PPOX: variants seen among roughly 807,000 people sequenced by gnomAD.
PPOX encodes variegate porphyria.
PPOX carries 23 observed loss-of-function variants against 54.1 expected under a neutral mutation model. The observed-to-expected ratio is 0.43, with a 90% CI of 0.31 to 0.60. The LOEUF (loss-of-function observed/expected upper bound fraction) is 0.60, where lower values mean the gene tolerates loss of function less well. PPOX is among the 20% of genes least tolerant of loss of function. PPOX has a pLI of 0.13. For synonymous variants in PPOX, 224 were observed against 236.1 expected (o/e 0.95, Z 0.47); for missense variants, 512 against 601.1 (o/e 0.85, Z 1.55).
rs1357523918 is a variant in PPOX at position 161,168,584 on chromosome 1, G to C, written c.616+8G>C. 4 of 1,613,830 alleles carry C rather than the reference G, an allele frequency of 2.5e-6. No individual in the cohort carries two copies. In the Admixed American group the frequency reaches 6.7e-5, roughly 27 times the overall value. On this transcript the variant is annotated splice_region_variant and intron_variant, in intron 6 of 12. Transcript: ENST00000367999. ...GCCTGCTGCTGGGGGCAGGTGAGGG[G>C]GGATTGATTCAGAGGGTGAAAATAT...
chr1:161,169,088 C>T lies in PPOX; in HGVS notation c.712C>T (p.Gln238Ter), dbSNP rs770279631. The T allele has an allele frequency of 1.9e-6, 3 of 1,614,094 alleles. No individual in the cohort carries two copies. The highest frequency in any genetic ancestry group is 1.3e-5 in the African/African-American group (1 of 74,920). ...TCGTGGAGGTCTAGAGATGTTGCCT[C>T]AGGCCCTTGAAACCCACCTGACTAG... ...SLRGGLEMLP[Q>*]ALETHLTSRG... Residue 238 changes from glutamine to a stop codon, truncating the protein, a stop_gained, in exon 7 of 13, where the codon CAG becomes TAG. Transcript: ENST00000367999. LOFTEE classifies it high-confidence loss of function.
downstream of PPOX, chr1:161,174,111 A>C (rs369203947): frequency 6.4e-7 from 1 of 1,554,872 alleles, no homozygotes; most frequent in Non-Finnish European, 8.7e-7. Context: ...AAGGGGGCTA[A>C]AGAATAAAAG....
At chr1:161,168,609 T>C (rs373519291) in intron 6 of PPOX, 33 bp downstream of exon 6, 7 of 1,610,104 alleles carry the variant, frequency 4.3e-6, no homozygotes, top group African/African-American at 2.7e-5. Flanking sequence ...GGTGAAAATA[T>C]TAAGTACTGC....
At chr1:161,171,695 C>G (rs556696668), downstream of PPOX, 54 of 1,408,224 alleles carry the variant, frequency 3.8e-5, no homozygotes, top group Middle Eastern at 3.8e-4. Context: ...GCCCCTACCC[C>G]CTAGCACGGC....
chr1:161,168,496 G>A lies in PPOX; in HGVS notation c.536G>A (p.Ser179Asn). The stretch of plus-strand genomic sequence containing the variant: ...TTTGCAGGCAACAGCCGTGAGCTCA[G>A]CATCAGGTCCTGCTTTCCCAGTCTC... ...GVFAGNSREL[S>N]IRSCFPSLFQ... Residue 179 changes from serine to asparagine, a missense_variant, in exon 6 of 13, where the codon AGC becomes AAC. Coordinates refer to ENST00000367999, the MANE Select transcript of PPOX (RefSeq NM_001122764.3). 6.2e-7 allele frequency: 1 copy of A among 1,614,178 alleles called. No individual in the cohort carries two copies. Among genetic ancestry groups the A allele is most frequent in the East Asian group, 2.2e-5 (1 of 44,884 alleles).
At chr1:161,168,160 C>G in intron 5 of PPOX, 33 bp downstream of exon 5, 1 of 1,614,134 alleles carries the variant, frequency 6.2e-7, no homozygotes, top group Non-Finnish European at 8.5e-7. Flanking sequence ...AAACCTCTTC[C>G]CTCCTAAACC....
downstream of PPOX, chr1:161,171,437 C>G (rs1320738342): frequency 1.6e-6 from 1 of 620,606 alleles, no homozygotes. Context: ...CAAACAACTT[C>G]CCGGGAACCA....
chr1:161,165,988 T>A (rs1658765949), upstream of PPOX: 1 of 661,010 alleles, frequency 1.5e-6, no homozygotes, highest in South Asian at 6.7e-5. Context: ...GGAGTGCCAC[T>A]GTTGACAAAC....
In PPOX at chr1:161,170,602, GCTATATTCCCTC is replaced by G; in HGVS notation, c.1099-15_1099-4del. On this transcript the variant is annotated splice_region_variant and splice_polypyrimidine_tract_variant and intron_variant, in intron 10 of 12. Transcript: ENST00000367999. ...TGTAGGCAAGGCCAGACTGATCAGT[GCTATATTCCCTC>G]CTTAGGTGATGCTGGGAGGTTCCTG... 6.2e-7 allele frequency: 1 copy of G among 1,614,182 alleles called. No individual in the cohort carries two copies. Among genetic ancestry groups the G allele is most frequent in the Non-Finnish European group, 8.5e-7 (1 of 1,180,040 alleles).
At chr1:161,171,005 A>G (rs754822199) in intron 12 of PPOX, 29 bp from the exon 13 acceptor site, 1 of 1,614,144 alleles carries the variant, frequency 6.2e-7, no homozygotes, top group Admixed American at 1.7e-5. Context: ...ACCCCCAGCT[A>G]AAACATTCCT....
chr1:161,168,102 T>G lies in PPOX; in HGVS notation c.446T>G (p.Phe149Cys). 1 of 1,614,140 alleles carries G rather than the reference T, an allele frequency of 6.2e-7. No individual in the cohort carries two copies. Among genetic ancestry groups the G allele is most frequent in the Non-Finnish European group, 8.5e-7 (1 of 1,180,010 alleles). The change falls in exon 5 of 13, where the codon TTT becomes TGT. Residue 149 changes from phenylalanine to cysteine, a missense_variant. By Grantham distance (205) the Phe-to-Cys change is radical. Transcript: ENST00000367999. Reference sequence around the variant, plus strand: ...GAGCCTGATGAGACTGTGCACAGTTTTGCCCAGCGCCGCCTTGGACCTGAG... The same window carrying G: ...GAGCCTGATGAGACTGTGCACAGTTGTGCCCAGCGCCGCCTTGGACCTGAG... ...GKEPDETVHS[F>C]AQRRLGPEVA...
chr1:161,167,385 C>G lies in PPOX; in HGVS notation c.237C>G (p.Gly79=), dbSNP rs1337916046. 6.2e-7 allele frequency: 1 copy of G among 1,613,952 alleles called. No individual in the cohort carries two copies. Among genetic ancestry groups the G allele is most frequent in the South Asian group, 1.1e-5 (1 of 91,076 alleles). The part of the protein sequence containing the change: ...ARTLLLVSEL[G]LDSEVLPVRG... Reference sequence around the variant, plus strand: ...GTGGAGAGCAGGTTTCTGAGCTTGGCTTGGATTCAGAAGTGCTGCCTGTCC... The same window carrying G: ...GTGGAGAGCAGGTTTCTGAGCTTGGGTTGGATTCAGAAGTGCTGCCTGTCC... The change falls in exon 4 of 13, where the codon GGC becomes GGG. Residue 79 remains glycine (G), a synonymous_variant. Transcript: ENST00000367999.
chr1:161,167,602 T>C (rs1659549127), intron 4 of PPOX, 116 bp downstream of exon 4: 1 of 1,298,226 alleles, frequency 7.7e-7, no homozygotes, highest in Non-Finnish European at 1.0e-6. Flanking sequence ...AGTATCGCTC[T>C]CGCCCAGGAT....
rs150922863 is a variant in PPOX, at chr1:161,170,667, T to C, written c.1146T>C (p.Cys382=). Residue 382 remains cysteine, a synonymous_variant, in exon 11 of 13, where the codon TGT becomes TGC. Transcript: ENST00000367999. ...TACAGACACTGGAGGCTAGTGGCTG[T>C]GTCTTATCTCAGGAGCTGTTTCAAC... is the stretch of plus-strand genomic sequence containing the variant. ...SWLQTLEASG[C]VLSQELFQQR... 4.3e-6 allele frequency: 7 copies of C among 1,614,032 alleles called. No homozygotes were observed. In the African/African-American group the frequency reaches 9.3e-5, roughly 22 times the overall value.
At chr1:161,176,592 T>G (rs1223205364) in intron 4 of PPOX, 1 of 518,906 alleles carries the variant, frequency 1.9e-6, no homozygotes, top group Non-Finnish European at 3.5e-6. Flanking sequence ...GGAACAGAAG[T>G]GGTAAAGGAT....
chr1:161,171,254 G>T, downstream of PPOX: 1 of 1,608,202 alleles, frequency 6.2e-7, no homozygotes. Flanking sequence ...ATAGGCATAA[G>T]AATGCGGGGC....
At chr1:161,167,891 G>A in intron 4 of PPOX, 104 bp from the exon 5 acceptor site, 14 of 1,570,422 alleles carry the variant, frequency 8.9e-6, no homozygotes, top group Non-Finnish European at 1.2e-5. Context: ...CTCCCTGTCA[G>A]CCTTCCCAGC....
In PPOX at chr1:161,167,205, G is replaced by A; in HGVS notation, c.193G>A (p.Gly65Arg). Residue 65 changes from glycine to arginine, a missense_variant, in exon 3 of 13, where the codon GGA (glycine) becomes AGA (arginine). Physicochemically the swap from Gly to Arg is moderately radical, Grantham distance 125. Coordinates refer to ENST00000367999, the MANE Select transcript of PPOX (RefSeq NM_001122764.3). ...ELGPRGIRPA[G>R]ALGARTLLLV... ...TGGACCTCGGGGAATTAGGCCAGCGGGAGCCCTAGGGGCCCGGACCTTGCT... is the reference window on the plus strand; with the variant it reads ...TGGACCTCGGGGAATTAGGCCAGCGAGAGCCCTAGGGGCCCGGACCTTGCT... The A allele has an allele frequency of 1.2e-6, 2 of 1,614,162 alleles. No homozygotes were observed. The highest frequency in any genetic ancestry group is 3.3e-4 in the Middle Eastern group (2 of 6,062).
At chr1:161,170,067 C>G (rs1235883530) in intron 9 of PPOX, 43 bp downstream of exon 9, 1 of 1,583,298 alleles carries the variant, frequency 6.3e-7, no homozygotes, top group Admixed American at 1.8e-5. Context: ...TGGCTCACAC[C>G]TGTAATCCCA....
Sources: allele counts gnomAD v4.1 joint callset, GRCh38; gene constraint gnomAD v4.1.1; transcripts MANE v1.5; gene names NCBI Gene and HGNC (gene_info 2026-07-23, HGNC 2026-07-21).